Variants in AMOTL1 observed in about 807,000 individuals in gnomAD.
The protein encoded by AMOTL1 is angiomotin-like protein 1.
In AMOTL1, 45 loss-of-function variants were observed where a neutral mutation model predicts 102.9. That is an observed-to-expected ratio of 0.44 (90% confidence interval 0.34 to 0.56). The LOEUF is 0.56. Ranked by LOEUF, AMOTL1 falls within the 20% of genes least tolerant of loss-of-function variation. The pLI, the probability that AMOTL1 is intolerant of heterozygous loss-of-function variation, is 0.01. For missense variants in AMOTL1, 1,114 were observed against 1,225.6 expected (o/e 0.91, Z 1.36); for synonymous variants, 481 against 484.7 (o/e 0.99, Z 0.10).
intron 2 of AMOTL1, among the ~76,000 whole-genome samples, chr11:94,738,982 C>T (rs749522528): frequency 4.6e-5 from 7 of 151,984 alleles, no homozygotes; most frequent in African/African-American, 7.3e-5. Flanking sequence ...CAGAGTGTGA[C>T]TATGTAGATG....
chr11:94,738,360 C>T (rs57789303), intron 2 of AMOTL1, among the ~76,000 whole-genome samples: 2,035 of 151,800 alleles, frequency 0.013, 42 homozygotes, highest in African/African-American at 0.046. Context: ...TGGTATCAAG[C>T]GATTCTCCTG....
At chr11:94,723,971 A>T (rs1382405837) in intron 1 of AMOTL1, among the ~76,000 whole-genome samples, 1 of 152,158 alleles carries the variant, frequency 6.6e-6, no homozygotes, top group Non-Finnish European at 1.5e-5. Context: ...GGAGCAGCCC[A>T]GGAGGAGACT....
chr11:94,751,582 ATTAC>A (rs1350758902), intron 3 of AMOTL1, among the ~76,000 whole-genome samples: 14 of 152,084 alleles, frequency 9.2e-5, no homozygotes, highest in Admixed American at 9.2e-4. Context: ...GCAAAGTGAT[ATTAC>A]ACATTGCTCA....
chr11:94,834,312 G>T (rs1952130101), intron 6 of AMOTL1, among the ~76,000 whole-genome samples: 1 of 152,174 alleles, frequency 6.6e-6, no homozygotes, highest in Non-Finnish European at 1.5e-5. Flanking sequence ...CTCGGGCCGG[G>T]CGCGGTGGCT....
At position 94,871,840 on chromosome 11, in the gene AMOTL1, G is replaced by C. The variant is rs796891305; in HGVS notation, c.*1045G>C. 24 of 152,132 alleles carry C rather than the reference G, an allele frequency of 1.6e-4. No individual in the cohort carries two copies. Among genetic ancestry groups the C allele is most frequent in the African/African-American group, 5.3e-4 (22 of 41,482 alleles). 9.4% of individuals were successfully genotyped at this position (152,132 alleles called of 1,614,324 possible). ...ATTTCCAAATTCCATTGCTCTGTTT[G>C]GGGAAGACTTAGGACAGCACTCCAG... is the stretch of plus-strand genomic sequence containing the variant. On this transcript the variant is annotated 3_prime_UTR_variant, in exon 13 of 13. Coordinates refer to ENST00000433060, the MANE Select transcript of AMOTL1 (RefSeq NM_130847.3).
At chr11:94,753,124 G>A (rs1256554237) in intron 3 of AMOTL1, among the ~76,000 whole-genome samples, 2 of 152,140 alleles carry the variant, frequency 1.3e-5, no homozygotes, top group Non-Finnish European at 2.9e-5. Flanking sequence ...TTATGTCGCT[G>A]TCTGGCTGTG....
intron 1 of AMOTL1, among the ~76,000 whole-genome samples, chr11:94,778,243 G>A (rs533514442): frequency 1.3e-5 from 2 of 152,310 alleles, no homozygotes; most frequent in South Asian, 2.1e-4. Context: ...GGCAACCAAA[G>A]AATTAATAGA....
intron 1 of AMOTL1, among the ~76,000 whole-genome samples, chr11:94,789,723 A>G (rs1951251150): frequency 6.6e-6 from 1 of 152,238 alleles, no homozygotes; most frequent in African/African-American, 2.4e-5. Context: ...TGCCGGAATC[A>G]GAAGGCTTGA....
intron 1 of AMOTL1, among the ~76,000 whole-genome samples, chr11:94,721,468 G>T (rs1310036506): frequency 6.6e-6 from 1 of 151,960 alleles, no homozygotes; most frequent in East Asian, 1.9e-4. Flanking sequence ...TGAGGAGATG[G>T]TATTTGGAGG....
At chr11:94,798,933 A>G (rs12789750) in intron 2 of AMOTL1, among the ~76,000 whole-genome samples, 1 of 152,064 alleles carries the variant, frequency 6.6e-6, no homozygotes, top group African/African-American at 2.4e-5. Context: ...GGAAGGGGAG[A>G]CAGCAAGTGT....
At chr11:94,722,514 T>C (rs1264635195) in intron 1 of AMOTL1, among the ~76,000 whole-genome samples, 3 of 152,196 alleles carry the variant, frequency 2.0e-5, no homozygotes, top group African/African-American at 7.2e-5. Flanking sequence ...GCATGTGCTA[T>C]GATACCCTAT....
intron 2 of AMOTL1, among the ~76,000 whole-genome samples, chr11:94,733,322 T>A (rs2135463390): frequency 6.6e-6 from 1 of 152,372 alleles, no homozygotes; most frequent in South Asian, 2.1e-4. Flanking sequence ...TTATCTGTGA[T>A]CTCCTACTGG....
At position 94,774,482 on chromosome 11, in the gene AMOTL1, A is replaced by T. The variant is rs574373668; in HGVS notation, c.49+5922A>T. ...CTGATGTCACCAGGCCGTGTCTCAAATTTCATAACTGGCAGCTCTGTTTCC... is the reference window on the plus strand; with the variant it reads ...CTGATGTCACCAGGCCGTGTCTCAATTTTCATAACTGGCAGCTCTGTTTCC... On this transcript the variant is annotated intron_variant, in intron 1 of 12. Transcript: ENST00000433060. 7.7e-4 allele frequency among the ~76,000 whole-genome samples: 117 copies of T among 152,272 alleles called. 4 individuals are homozygous for T. The South Asian group carries it at 0.024, about 31-fold the overall frequency.
rs1952384705 is a variant in AMOTL1, at chr11:94,845,258, A to G, written c.1649-4856A>G. Among the ~76,000 whole-genome samples the G allele has an allele frequency of 2.0e-5, 3 of 152,348 alleles. No homozygotes were observed. The South Asian group carries it at 6.2e-4, about 32-fold the overall frequency. ...CCCAGAACTGACAAAGGAGAAGGGTAAGACAGAAAGGGGACATCTTTGAAT... is the reference window on the plus strand; with the variant it reads ...CCCAGAACTGACAAAGGAGAAGGGTGAGACAGAAAGGGGACATCTTTGAAT... On this transcript the variant is annotated intron_variant, in intron 6 of 12. Coordinates refer to ENST00000433060, the MANE Select transcript of AMOTL1 (RefSeq NM_130847.3).
At chr11:94,837,575 A>T (rs1409065402) in intron 6 of AMOTL1, among the ~76,000 whole-genome samples, 2 of 152,230 alleles carry the variant, frequency 1.3e-5, no homozygotes, top group Admixed American at 1.3e-4. Flanking sequence ...GAGAAACTTC[A>T]GACCTACATG....
At chr11:94,804,462 A>C (rs1951533818) in intron 3 of AMOTL1, among the ~76,000 whole-genome samples, 1 of 151,962 alleles carries the variant, frequency 6.6e-6, no homozygotes, top group African/African-American at 2.4e-5. Context: ...TATTTTTGTA[A>C]TTCTTTTTTG....
At chr11:94,866,291 T>G in intron 11 of AMOTL1, 123 bp downstream of exon 11, 1 of 961,518 alleles carries the variant, frequency 1.0e-6, no homozygotes, top group South Asian at 1.6e-5. Flanking sequence ...ATCTGTGAAG[T>G]GGGGAGGGAA....
chr11:94,786,164 A>C (rs1455140753), intron 1 of AMOTL1, among the ~76,000 whole-genome samples: 2 of 152,244 alleles, frequency 1.3e-5, no homozygotes, highest in Non-Finnish European at 2.9e-5. Flanking sequence ...TAAGTTAAGC[A>C]ACAAATATAT....
chr11:94,801,675 A>G lies in AMOTL1; in HGVS notation c.1121+1364A>G, dbSNP rs547745017. On this transcript the variant is annotated intron_variant, in intron 3 of 12. Coordinates refer to ENST00000433060, the MANE Select transcript of AMOTL1 (RefSeq NM_130847.3). ...TATGTGCTAAGAGAGGTAGGGAAAT[A>G]GAACTGACAGGGTTTAGGGATTGGT... Among the ~76,000 whole-genome samples, 8 of 152,282 alleles carry G rather than the reference A, an allele frequency of 5.3e-5. No individual in the cohort carries two copies. The East Asian group carries it at 9.6e-4, about 18-fold the overall frequency.
Sources: allele counts gnomAD v4.1 joint callset (sites outside exome capture counted in the v4.1 genomes callset), GRCh38; gene constraint gnomAD v4.1.1; transcripts MANE v1.5; gene names NCBI Gene and HGNC (gene_info 2026-07-23, HGNC 2026-07-21).